EPSTI1: variants seen among roughly 807,000 people sequenced by gnomAD.
The protein encoded by EPSTI1 is epithelial stromal interaction 1.
A neutral mutation model predicts 49.9 loss-of-function variants in EPSTI1; 66 were observed. That is an observed-to-expected ratio of 1.32 (90% confidence interval 1.08 to 1.62). The LOEUF (loss-of-function observed/expected upper bound fraction) is 1.62, where lower values mean the gene tolerates loss of function less well. EPSTI1 is among the 40% of genes most tolerant of loss of function. EPSTI1 has a pLI of 0.00. For synonymous variants in EPSTI1, 137 were observed against 130.7 expected, an observed-to-expected ratio of 1.05 and a Z score of -0.33; for missense variants, 394 against 365.5, an observed-to-expected ratio of 1.08 and a Z score of -0.64.
chr13:42,917,564 T>A lies in EPSTI1; in HGVS notation c.718A>T (p.Met240Leu), dbSNP rs146505612. The A allele has an allele frequency of 6.2e-7, 1 of 1,612,584 alleles. No individual in the cohort carries two copies. Among genetic ancestry groups the A allele is most frequent in the Non-Finnish European group, 8.5e-7 (1 of 1,179,284 alleles). The change falls in exon 8 of 11, where the codon ATG becomes TTG. Residue 240 changes from methionine (M) to leucine (L), a missense_variant. Physicochemically the swap from Met to Leu is conservative, Grantham distance 15. Transcript: ENST00000313624. Reference protein sequence around the residue: ...KAEENRKLQKMKDEQHQKSEL... With the variant: ...KAEENRKLQKLKDEQHQKSEL... ...ACCTTTTGATGTTGTTCATCCTTCA[T>A]CTTTTGCAATTTTCTGTTTTCTTCT... is the stretch of plus-strand genomic sequence containing the variant.
At chr13:42,898,596 T>C (rs552373073) in intron 9 of EPSTI1, among the ~76,000 whole-genome samples, 33 of 151,970 alleles carry the variant, frequency 2.2e-4, no homozygotes, top group Non-Finnish European at 4.0e-4. Flanking sequence ...AAATAACGTA[T>C]AGAAATTAAA....
intron 2 of EPSTI1, 95 bp downstream of exon 2, chr13:42,970,517 T>C: frequency 9.0e-7 from 1 of 1,105,338 alleles, no homozygotes; most frequent in Non-Finnish European, 1.3e-6. Context: ...TTGGTGAGTC[T>C]ATATAAATGA....
intron 6 of EPSTI1, among the ~76,000 whole-genome samples, chr13:42,935,265 C>G (rs1423937101): frequency 2.0e-5 from 3 of 152,220 alleles, no homozygotes; most frequent in Non-Finnish European, 4.4e-5. Flanking sequence ...CATCAGCTCC[C>G]ATCTATTTTA....
chr13:42,967,787 T>A (rs2153432570), intron 3 of EPSTI1, among the ~76,000 whole-genome samples: 1 of 152,192 alleles, frequency 6.6e-6, no homozygotes, highest in Non-Finnish European at 1.5e-5. Flanking sequence ...GAAACAAGGA[T>A]CACTGCATTA....
intron 8 of EPSTI1, among the ~76,000 whole-genome samples, chr13:42,916,120 T>C (rs1456756916): frequency 6.6e-6 from 1 of 152,168 alleles, no homozygotes; most frequent in Non-Finnish European, 1.5e-5. Flanking sequence ...ATGAACACTT[T>C]TACGTCATTT....
chr13:42,927,028 C>G (rs1338942148), intron 6 of EPSTI1, among the ~76,000 whole-genome samples: 3 of 144,086 alleles, frequency 2.1e-5, no homozygotes, highest in Non-Finnish European at 4.6e-5. Flanking sequence ...CACACACACA[C>G]AGTCCTTTGC....
rs550494756 is a variant in EPSTI1, at chr13:42,966,702, GC to G, written c.331+2391del. Among the ~76,000 whole-genome samples the G allele has an allele frequency of 3.5e-5, 3 of 84,624 alleles. 1 individual carries two copies. Among genetic ancestry groups the G allele is most frequent in the Non-Finnish European group, 5.3e-5 (2 of 37,412 alleles). The allele number at this position is 84,624 out of a possible 152,430, so 55.5% of individuals were successfully genotyped here. ...GGCCGGGAGGGAGGTGGGGGGGTCA[GC>G]CCCCCGCCCGGCCAGCCGCCCCGTC... On this transcript the variant is annotated intron_variant, in intron 3 of 10. Transcript: ENST00000313624.
At chr13:42,889,237 A>G (rs779242577) in intron 10 of EPSTI1, 1 of 1,555,686 alleles carries the variant, frequency 6.4e-7, no homozygotes, top group African/African-American at 1.4e-5. Context: ...AAACTAATAG[A>G]GAACCCTAGA....
chr13:42,890,035 G>A (rs2036983060), intron 10 of EPSTI1, among the ~76,000 whole-genome samples: 1 of 152,136 alleles, frequency 6.6e-6, no homozygotes, highest in African/African-American at 2.4e-5. Flanking sequence ...TGCCCCGTCT[G>A]TCATACAAAA....
At chr13:42,903,737 G>T (rs997458471) in intron 8 of EPSTI1, among the ~76,000 whole-genome samples, 2 of 152,092 alleles carry the variant, frequency 1.3e-5, no homozygotes, top group African/African-American at 2.4e-5. Context: ...CCTTAATTTC[G>T]ATTAAATAAA....
chr13:42,917,447 T>A, intron 8 of EPSTI1, 94 bp downstream of exon 8: 1 of 1,072,494 alleles, frequency 9.3e-7, no homozygotes, highest in Middle Eastern at 2.8e-4. Flanking sequence ...TTCAGGATTT[T>A]CATGTGTCTA....
At chr13:42,944,606 C>A (rs575873908) in intron 6 of EPSTI1, among the ~76,000 whole-genome samples, 1 of 152,106 alleles carries the variant, frequency 6.6e-6, no homozygotes, top group African/African-American at 2.4e-5. Flanking sequence ...CACCGTGGCA[C>A]GTGTATACCT....
intron 1 of EPSTI1, among the ~76,000 whole-genome samples, chr13:42,982,792 AT>A (rs11312093): frequency 0.3 from 45,753 of 152,144 alleles, 7,316 homozygotes; most frequent in East Asian, 0.5. Flanking sequence ...GAAGCAAGCC[AT>A]AAAAAATTTC....
At chr13:42,982,430 G>A (rs575854299) in intron 1 of EPSTI1, among the ~76,000 whole-genome samples, 19 of 152,336 alleles carry the variant, frequency 1.2e-4, no homozygotes, top group Non-Finnish European at 4.4e-5. Context: ...CTATGGAGTA[G>A]TCACTCTTTA....
At chr13:42,984,814 C>T (rs775567469) in intron 1 of EPSTI1, among the ~76,000 whole-genome samples, 4 of 152,026 alleles carry the variant, frequency 2.6e-5, no homozygotes, top group African/African-American at 9.7e-5. Flanking sequence ...ACTGGTGGGA[C>T]GCATTAAGGT....
chr13:42,917,658 A>AAAAAAC, intron 7 of EPSTI1, 34 bp from the exon 8 acceptor site: 1 of 1,401,382 alleles, frequency 7.1e-7, no homozygotes, highest in Non-Finnish European at 9.7e-7. Flanking sequence ...AAAAAAAAAA[A>AAAAAAC]ACAACTTGAT....
intron 1 of EPSTI1, among the ~76,000 whole-genome samples, chr13:42,979,601 A>C (rs1435050395): frequency 9.6e-6 from 1 of 104,558 alleles, no homozygotes; most frequent in Non-Finnish European, 2.0e-5. Flanking sequence ...AAAAAAAAAA[A>C]AGAAAAGAAA....
At chr13:42,918,360 T>A (rs1324955826) in intron 7 of EPSTI1, among the ~76,000 whole-genome samples, 1 of 152,156 alleles carries the variant, frequency 6.6e-6, no homozygotes, top group Non-Finnish European at 1.5e-5. Context: ...TCCTTCACAT[T>A]GATTTGCAGC....
chr13:42,970,703 CAT>C lies in EPSTI1; in HGVS notation c.189-35_189-34del, dbSNP rs1442238604. On this transcript the variant is annotated intron_variant, in intron 1 of 10. Coordinates refer to ENST00000313624, the MANE Select transcript of EPSTI1 (RefSeq NM_033255.5). ...GAAGAGAAAAAAAAATGCTTATTAC[CAT>C]GAGAAACTACCAATGCATATAAGCC... 1.9e-6 allele frequency: 3 copies of C among 1,561,550 alleles called. No individual in the cohort carries two copies. The African/African-American group carries it at 4.1e-5, about 21-fold the overall frequency.
Sources: allele counts gnomAD v4.1 joint callset (sites outside exome capture counted in the v4.1 genomes callset), GRCh38; gene constraint gnomAD v4.1.1; transcripts MANE v1.5; gene names NCBI Gene and HGNC (gene_info 2026-07-23, HGNC 2026-07-21).